ARSB: variants seen among roughly 807,000 people sequenced by gnomAD.
ARSB encodes the protein N-acetylgalactosamine-4-sulfatase.
ARSB carries 41 observed loss-of-function variants against 50.9 expected under a neutral mutation model. That is an observed-to-expected ratio of 0.81 (90% CI 0.63 to 1.04). ARSB has a LOEUF of 1.04. ARSB is among the 50% of genes least tolerant of loss of function. The probability of loss-of-function intolerance (pLI) is 0.00; values close to 1 mark genes in which losing one functional copy is unlikely to be tolerated. For missense variants in ARSB, 672 were observed against 693.3 expected (o/e 0.97, Z 0.35); for synonymous variants, 269 against 284.8 (o/e 0.94, Z 0.56).
intron 4 of ARSB, among the ~76,000 whole-genome samples, chr5:78,950,258 A>T (rs1192689053): frequency 6.6e-6 from 1 of 152,168 alleles, no homozygotes; most frequent in Non-Finnish European, 1.5e-5. Context: ...AGAAACCAAG[A>T]TGGACAGACA....
At chr5:78,983,172 G>C (rs554193771) in intron 1 of ARSB, among the ~76,000 whole-genome samples, 1 of 152,296 alleles carries the variant, frequency 6.6e-6, no homozygotes, top group South Asian at 2.1e-4. Flanking sequence ...TCCTGACTCA[G>C]TCTCCCGAGT....
chr5:78,976,324 T>A (rs1752664987), intron 1 of ARSB, among the ~76,000 whole-genome samples: 1 of 132,578 alleles, frequency 7.5e-6, no homozygotes, highest in Admixed American at 8.5e-5. Flanking sequence ...TCTCACTCTG[T>A]CACCTGGACT....
chr5:78,841,159 C>CTAA (rs1491359597), intron 5 of ARSB, among the ~76,000 whole-genome samples: 33 of 94,204 alleles, frequency 3.5e-4, no homozygotes, highest in Non-Finnish European at 6.2e-4. Flanking sequence ...ACTACTACTA[C>CTAA]TACTACTACT....
At chr5:78,984,290 AT>A (rs1326173443) in intron 1 of ARSB, among the ~76,000 whole-genome samples, 3 of 152,236 alleles carry the variant, frequency 2.0e-5, no homozygotes, top group Non-Finnish European at 4.4e-5. Context: ...CTCTACATTT[AT>A]ATTTCCTTCG....
intron 5 of ARSB, among the ~76,000 whole-genome samples, chr5:78,843,682 C>G (rs767774126): frequency 4.9e-4 from 75 of 152,292 alleles, no homozygotes; most frequent in Admixed American, 2.6e-4. Context: ...AAAAGAAATA[C>G]TGTACCCATT....
At position 78,832,005 on chromosome 5, in the gene ARSB, T is replaced by C. The variant is rs183409103; in HGVS notation, c.1213+7351A>G. Among the ~76,000 whole-genome samples the C allele has an allele frequency of 6.8e-3, 1,038 of 152,230 alleles. 10 individuals carry two copies. The highest frequency in any genetic ancestry group is 8.3e-3 in the Non-Finnish European group (564 of 68,016). On this transcript the variant is annotated intron_variant, in intron 6 of 7. Coordinates refer to ENST00000264914, the MANE Select transcript of ARSB (RefSeq NM_000046.5). ...TTTATTAGCGTGCATTCTTTCAATA[T>C]GTATTAATCTCTTATACATAAGACA...
chr5:78,973,461 C>T (rs1198657936), intron 1 of ARSB, among the ~76,000 whole-genome samples: 10 of 152,236 alleles, frequency 6.6e-5, no homozygotes, highest in Admixed American at 5.2e-4. Context: ...TGTGACATAA[C>T]TGAGAGATCC....
intron 5 of ARSB, among the ~76,000 whole-genome samples, chr5:78,850,328 T>G (rs1745702223): frequency 6.6e-6 from 1 of 152,258 alleles, no homozygotes; most frequent in African/African-American, 2.4e-5. Flanking sequence ...ATGTGGTTTT[T>G]GTCTTTGGTT....
intron 6 of ARSB, among the ~76,000 whole-genome samples, chr5:78,821,743 A>G (rs1302496965): frequency 6.6e-6 from 1 of 152,226 alleles, no homozygotes; most frequent in Non-Finnish European, 1.5e-5. Context: ...CTTTGCCAGC[A>G]ATGACTTTCC....
At chr5:78,909,790 G>T (rs762497934) in intron 4 of ARSB, among the ~76,000 whole-genome samples, 1 of 152,154 alleles carries the variant, frequency 6.6e-6, no homozygotes, top group Non-Finnish European at 1.5e-5. Flanking sequence ...ACCCGTGAAG[G>T]GTCTGTGCTG....
At chr5:78,945,890 C>A (rs931336977) in intron 4 of ARSB, among the ~76,000 whole-genome samples, 1 of 152,214 alleles carries the variant, frequency 6.6e-6, no homozygotes, top group Non-Finnish European at 1.5e-5. Flanking sequence ...CAGAAAGCCT[C>A]CCCACACCCT....
At chr5:78,843,436 C>T (rs1038897498) in intron 5 of ARSB, among the ~76,000 whole-genome samples, 2 of 152,158 alleles carry the variant, frequency 1.3e-5, no homozygotes, top group African/African-American at 2.4e-5. Context: ...CTGCACAATA[C>T]AATCACCTGA....
chr5:78,921,207 C>T (rs1465288687), intron 4 of ARSB, among the ~76,000 whole-genome samples: 1 of 152,166 alleles, frequency 6.6e-6, no homozygotes, highest in East Asian at 1.9e-4. Flanking sequence ...CCTCCACAAT[C>T]TCAGTTTCAA....
chr5:78,900,686 T>C (rs1748762736), intron 4 of ARSB, among the ~76,000 whole-genome samples: 1 of 152,136 alleles, frequency 6.6e-6, no homozygotes, highest in African/African-American at 2.4e-5. Flanking sequence ...GCTGGCTTGC[T>C]TCTATACTAC....
rs55875200 is a variant in ARSB, at chr5:78,958,658, G to A, written c.691-3156C>T. 4.0e-3 allele frequency among the ~76,000 whole-genome samples: 615 copies of A among 152,134 alleles called. 5 individuals carry two copies. The highest frequency in any genetic ancestry group is 0.014 in the African/African-American group (593 of 41,476). On this transcript the variant is annotated intron_variant, in intron 3 of 7. Transcript: ENST00000264914. ...AATTAAGTCCTGGAGACTGTGTCAC[G>A]TAGCATGTTTGCAACTTCTGTTTCT...
chr5:78,802,035 A>T (rs1170080526), intron 6 of ARSB, among the ~76,000 whole-genome samples: 4 of 152,034 alleles, frequency 2.6e-5, no homozygotes, highest in Non-Finnish European at 1.5e-5. Flanking sequence ...TGTTCCAACC[A>T]CACTGGTTTC....
chr5:78,867,824 C>T (rs1399438528), intron 5 of ARSB, among the ~76,000 whole-genome samples: 32 of 150,394 alleles, frequency 2.1e-4, no homozygotes, highest in Non-Finnish European at 7.4e-5. Context: ...ATGATTTTGA[C>T]GAGCTGAGAG....
chr5:78,857,177 T>G (rs1343955187), intron 5 of ARSB, among the ~76,000 whole-genome samples: 3 of 152,222 alleles, frequency 2.0e-5, no homozygotes, highest in Non-Finnish European at 2.9e-5. Flanking sequence ...TACCTATTCT[T>G]CTTGCTGGCA....
chr5:78,895,103 G>A (rs192788909), intron 4 of ARSB, among the ~76,000 whole-genome samples: 4 of 152,278 alleles, frequency 2.6e-5, no homozygotes, highest in Non-Finnish European at 2.9e-5. Flanking sequence ...TAGGCACCAC[G>A]AAGTCCATGC....
Sources: gnomAD v4.1 joint callset for allele counts (sites outside exome capture counted in the v4.1 genomes callset) on GRCh38, gnomAD v4.1.1 for gene constraint, MANE v1.5 for transcripts, NCBI Gene and HGNC (gene_info 2026-07-23, HGNC 2026-07-21) for gene names.